CCDC191: variants seen among roughly 807,000 people sequenced by gnomAD.
CCDC191 encodes coiled-coil domain containing 191, also known as coiled-coil domain-containing protein 191.
CCDC191 carries 99 observed loss-of-function variants against 114.0 expected under a neutral mutation model. That is an observed-to-expected ratio of 0.87 (90% CI 0.74 to 1.03). The LOEUF is 1.03. Ranked by LOEUF, CCDC191 falls within the 50% of genes least tolerant of loss-of-function variation. The pLI is 0.00. For synonymous variants in CCDC191, 351 were observed against 376.0 expected (o/e 0.93, Z 0.77); for missense variants, 973 against 1,087.0 (o/e 0.90, Z 1.47).
chr3:114,047,230 G>T, intron 2 of CCDC191: 1 of 506,794 alleles, frequency 2.0e-6, no homozygotes, highest in Non-Finnish European at 2.5e-6. Flanking sequence ...CAGAATCACT[G>T]AACTGTAGCC....
Position 114,004,750 on chromosome 3 carries a change from G to A in CCDC191, c.1869-4C>T, listed in dbSNP as rs1191210644. The stretch of plus-strand genomic sequence containing the variant: ...CCCAGGGGAAGCAACAGGTGAACTA[G>A]GGAAAAAATAAAGGAAAGGAATTTA... On this transcript the variant is annotated splice_polypyrimidine_tract_variant and splice_region_variant and intron_variant, in intron 10 of 16. Transcript: ENST00000295878. The A allele has an allele frequency of 8.7e-6, 14 of 1,605,704 alleles. No homozygotes were observed. Among genetic ancestry groups the A allele is most frequent in the South Asian group, 1.1e-5 (1 of 90,316 alleles).
At chr3:113,973,596 G>T (rs1188598095) in intron 16 of CCDC191, among the ~76,000 whole-genome samples, 6 of 145,564 alleles carry the variant, frequency 4.1e-5, no homozygotes, top group African/African-American at 1.5e-4. Context: ...TGGATGGCAG[G>T]TTTTTTTTTT....
At position 114,042,826 on chromosome 3, in the gene CCDC191, AGT is replaced by A. The variant is rs758343375; in HGVS notation, c.290_291del (p.Asp97ValfsTer7). 1 of 1,602,562 alleles carries A rather than the reference AGT, an allele frequency of 6.2e-7. No homozygotes were observed. The highest frequency in any genetic ancestry group is 2.3e-5 in the East Asian group (1 of 44,192). ...TCTTGCTTAAGTTTGGTGTCTAACCAGTCATTGACCAGCTCCTGAGCTACAAT... is the reference window on the plus strand; with the variant it reads ...TCTTGCTTAAGTTTGGTGTCTAACCACATTGACCAGCTCCTGAGCTACAAT... Reference protein sequence around the residue: ...IYAEAQELVNDWLDTKLKQEL... With the variant: ...IYAEAQELVNXWLDTKLKQEL... On this transcript the variant is annotated frameshift_variant, in exon 4 of 17. Transcript: ENST00000295878. LOFTEE classifies it high-confidence loss of function.
chr3:114,012,226 T>C (rs2076082348), intron 8 of CCDC191, among the ~76,000 whole-genome samples: 1 of 151,936 alleles, frequency 6.6e-6, no homozygotes, highest in African/African-American at 2.4e-5. Flanking sequence ...AATATACGTG[T>C]GTGTGTGTGT....
chr3:113,995,416 A>C (rs1383117601), intron 13 of CCDC191, among the ~76,000 whole-genome samples: 1 of 152,208 alleles, frequency 6.6e-6, no homozygotes, highest in Non-Finnish European at 1.5e-5. Context: ...CATTACCAAG[A>C]GTGAACTTTA....
At chr3:114,001,825 G>T in intron 12 of CCDC191, 129 bp from the exon 13 acceptor site, 1 of 1,135,160 alleles carries the variant, frequency 8.8e-7, no homozygotes, top group Non-Finnish European at 1.2e-6. Context: ...TGCATTTTGT[G>T]ATAAAAGTAG....
At chr3:114,044,068 G>C (rs2076598421) in intron 3 of CCDC191, among the ~76,000 whole-genome samples, 1 of 152,034 alleles carries the variant, frequency 6.6e-6, no homozygotes, top group African/African-American at 2.4e-5. Flanking sequence ...TATGGTATTG[G>C]CTACAATACT....
chr3:114,045,667 C>G (rs760725232), intron 3 of CCDC191, among the ~76,000 whole-genome samples: 2 of 152,174 alleles, frequency 1.3e-5, no homozygotes, highest in African/African-American at 4.8e-5. Context: ...GACATACCTT[C>G]TCCTCACTCC....
chr3:114,021,805 C>A (rs2076248150), intron 7 of CCDC191, among the ~76,000 whole-genome samples: 1 of 152,128 alleles, frequency 6.6e-6, no homozygotes, highest in Admixed American at 6.6e-5. Flanking sequence ...AAAACCACAA[C>A]TGGGTTGTTC....
Position 113,983,682 on chromosome 3 carries a change from A to G in CCDC191, c.2164-2889T>C, listed in dbSNP as rs141090341. Among the ~76,000 whole-genome samples, 1,053 of 152,356 alleles carry G rather than the reference A, an allele frequency of 6.9e-3. 8 individuals are homozygous for G. The highest frequency in any genetic ancestry group is 0.017 in the Middle Eastern group (5 of 294). ...GCTGTTATCTGTCTTCTTCATTGCT[A>G]CATTCTAACATCTACGTAAGTAAAT... On this transcript the variant is annotated intron_variant, in intron 13 of 16. Coordinates refer to ENST00000295878, the MANE Select transcript of CCDC191 (RefSeq NM_020817.2).
chr3:114,048,950 A>G (rs2076665850), intron 2 of CCDC191, among the ~76,000 whole-genome samples: 2 of 152,238 alleles, frequency 1.3e-5, no homozygotes, highest in African/African-American at 4.8e-5. Flanking sequence ...TTGTCACCTG[A>G]CCTATTCTGA....
At chr3:114,018,314 G>A (rs2076193066) in intron 8 of CCDC191, among the ~76,000 whole-genome samples, 1 of 151,662 alleles carries the variant, frequency 6.6e-6, no homozygotes, top group Non-Finnish European at 1.5e-5. Flanking sequence ...AGAAGATCAT[G>A]TACAATGTAT....
intron 13 of CCDC191, among the ~76,000 whole-genome samples, chr3:113,994,203 C>G (rs1455023368): frequency 2.0e-5 from 3 of 152,060 alleles, no homozygotes; most frequent in Non-Finnish European, 4.4e-5. Flanking sequence ...TAAAACCCAA[C>G]AATAAGTAAA....
intron 2 of CCDC191, among the ~76,000 whole-genome samples, chr3:114,051,941 A>G (rs1323171750): frequency 6.6e-6 from 1 of 152,236 alleles, no homozygotes; most frequent in Non-Finnish European, 1.5e-5. Context: ...TAACTATGTC[A>G]ATGTAACCTG....
chr3:114,020,751 T>A (rs2076231920), intron 7 of CCDC191, among the ~76,000 whole-genome samples: 2 of 152,176 alleles, frequency 1.3e-5, no homozygotes, highest in Non-Finnish European at 2.9e-5. Context: ...CTTGAATGAC[T>A]TGGTAAAATA....
At chr3:114,054,670 C>A (rs973714100) in intron 1 of CCDC191, among the ~76,000 whole-genome samples, 7 of 151,346 alleles carry the variant, frequency 4.6e-5, no homozygotes. Flanking sequence ...ACAACAACAA[C>A]AAAAACTGGG....
rs776038549 is a variant in CCDC191, at chr3:114,056,524, G to A, written c.-58C>T. The A allele has an allele frequency of 1.6e-5, 26 of 1,612,242 alleles. No homozygotes were observed. In the Admixed American group the frequency reaches 2.3e-4, roughly 14 times the overall value. On this transcript the variant is annotated 5_prime_UTR_variant, in exon 1 of 17. Coordinates refer to ENST00000295878, the MANE Select transcript of CCDC191 (RefSeq NM_020817.2). ...CTGCAGCAACCGCCCTTCTGCCCGG[G>A]CTGCCTCCGGGTCACGCTGGGAATT...
At chr3:114,055,752 G>GT (rs546429534) in intron 1 of CCDC191, among the ~76,000 whole-genome samples, 120 of 152,264 alleles carry the variant, frequency 7.9e-4, no homozygotes, top group African/African-American at 2.6e-3. Context: ...TATGTTTCAA[G>GT]TTTAAAATGG....
rs111347543 is a variant in CCDC191, at chr3:113,970,597, T to C, written c.2607-5238A>G. The stretch of plus-strand genomic sequence containing the variant: ...TTCTTTTTTATTATACTTTAAGTTT[T>C]AGGGTACATGTGCACAACATGCAGG... On this transcript the variant is annotated intron_variant, in intron 16 of 16. Transcript: ENST00000295878. Among the ~76,000 whole-genome samples the C allele has an allele frequency of 7.2e-3, 1,102 of 152,318 alleles. 13 individuals are homozygous for C. The highest frequency in any genetic ancestry group is 0.024 in the African/African-American group (1,001 of 41,564).
Sources: allele counts gnomAD v4.1 joint callset (sites outside exome capture counted in the v4.1 genomes callset), GRCh38; gene constraint gnomAD v4.1.1; transcripts MANE v1.5; gene names NCBI Gene and HGNC (gene_info 2026-07-23, HGNC 2026-07-21).